Variants in SUGT1 observed in about 807,000 individuals in gnomAD.
SUGT1 encodes SGT1 assembly cochaperone of MIS12 kinetochore complex.
In SUGT1, 15 loss-of-function variants were observed where a neutral mutation model predicts 56.1. That is an observed-to-expected ratio of 0.27 (90% confidence interval 0.18 to 0.41). SUGT1 has a LOEUF of 0.41. Among genes scored for constraint, SUGT1 ranks in the 10% least tolerant of loss-of-function variants. The pLI is 1.00. For synonymous variants in SUGT1, 123 were observed against 128.6 expected, an observed-to-expected ratio of 0.96 and a Z score of 0.30; for missense variants, 347 against 382.2, an observed-to-expected ratio of 0.91 and a Z score of 0.77.
chr13:52,662,895 T>G (rs1962532073), intron 6 of SUGT1, among the ~76,000 whole-genome samples, 193 bp downstream of exon 6: 2 of 152,198 alleles, frequency 1.3e-5, no homozygotes, highest in African/African-American at 4.8e-5. Context: ...TGGGTGGATT[T>G]GCTTGTATGG....
Position 52,665,703 on chromosome 13 carries a change from T to A in SUGT1, c.489T>A (p.Asn163Lys). The change falls in exon 9 of 13, where the codon AAT becomes AAA. Residue 163 changes from asparagine (N) to lysine (K), a missense_variant. Asn to Lys is a moderately conservative substitution (Grantham distance 94). Coordinates refer to ENST00000310528, the MANE Select transcript of SUGT1 (RefSeq NM_006704.5). The stretch of plus-strand genomic sequence containing the variant: ...TTATGATCAAGAATGTTCAGAAGAA[T>A]GATGTAAATGTGGAATTTTCAGAAA... ...ITLMIKNVQKNDVNVEFSEKE... is the reference protein window; with the variant it reads ...ITLMIKNVQKKDVNVEFSEKE... 6.2e-7 allele frequency: 1 copy of A among 1,607,062 alleles called. No homozygotes were observed. The highest frequency in any genetic ancestry group is 8.5e-7 in the Non-Finnish European group (1 of 1,177,958).
rs1214220271 is a variant in SUGT1 at position 52,662,716 on chromosome 13, C to T, written c.382+14C>T. 3 of 1,607,252 alleles carry T rather than the reference C, an allele frequency of 1.9e-6. No homozygotes were observed. The highest frequency in any genetic ancestry group is 2.5e-6 in the Non-Finnish European group (3 of 1,177,970). ...AAGCTCAGAATGGTATGTGGGTCTC[C>T]CTTGGTATTTGTTTCAATTTAAAAA... is the stretch of plus-strand genomic sequence containing the variant. On this transcript the variant is annotated intron_variant, in intron 6 of 12. Transcript: ENST00000310528.
At position 52,699,180 on chromosome 13, in the gene SUGT1, T is replaced by C. The variant is rs905029229; in HGVS notation, c.*11345T>C. ...AAGGTAGAGGAGAGATGCTGAATGA[T>C]GCTTTTTTTCTTCTTAATCTTGGGG... On this transcript the variant is annotated 3_prime_UTR_variant, in exon 13 of 13. Coordinates refer to ENST00000310528, the MANE Select transcript of SUGT1 (RefSeq NM_006704.5). 1 of 152,218 alleles carries C rather than the reference T, an allele frequency of 6.6e-6. No homozygotes were observed. The highest frequency in any genetic ancestry group is 1.5e-5 in the Non-Finnish European group (1 of 68,032). 9.4% of individuals were successfully genotyped at this position (152,218 alleles called of 1,614,324 possible).
intron 2 of SUGT1, among the ~76,000 whole-genome samples, chr13:52,656,225 T>C (rs761523538): frequency 9.2e-5 from 14 of 152,324 alleles, no homozygotes; most frequent in Non-Finnish European, 1.6e-4. Context: ...TTTCATTGAG[T>C]GATTACTGGA....
intron 5 of SUGT1, among the ~76,000 whole-genome samples, chr13:52,659,741 A>G (rs1481821581): frequency 2.7e-5 from 4 of 147,318 alleles, no homozygotes; most frequent in Non-Finnish European, 3.0e-5. Context: ...TATGAAAAGT[A>G]TCACAGTGGT....
At chr13:52,667,974 T>C in intron 10 of SUGT1, among the ~76,000 whole-genome samples, 1 of 148,182 alleles carries the variant, frequency 6.7e-6, no homozygotes, top group Admixed American at 6.7e-5. Context: ...CATTACTACT[T>C]TTTTTTTTTT....
chr13:52,671,660 T>G (rs1962945145), intron 10 of SUGT1, among the ~76,000 whole-genome samples: 1 of 152,216 alleles, frequency 6.6e-6, no homozygotes, highest in Non-Finnish European at 1.5e-5. Flanking sequence ...TGTTGTTATT[T>G]GCCAGACGTG....
chr13:52,672,940 A>G (rs1326515202), intron 10 of SUGT1, among the ~76,000 whole-genome samples: 1 of 152,200 alleles, frequency 6.6e-6, no homozygotes. Flanking sequence ...TCTTAGTGTA[A>G]TCTGTGAATA....
chr13:52,662,565 G>GT, intron 5 of SUGT1, 84 bp from the exon 6 acceptor site: 1 of 1,437,256 alleles, frequency 7.0e-7, no homozygotes, highest in Non-Finnish European at 9.8e-7. Flanking sequence ...AACACTGCCT[G>GT]GGATGTAGTA....
Position 52,659,814 on chromosome 13 carries a change from ATTTTTTTTTTTTTTTT to A in SUGT1, c.328+582_328+597del, listed in dbSNP as rs71088033. 3.1e-3 allele frequency among the ~76,000 whole-genome samples: 182 copies of A among 58,706 alleles called. 1 individual carries two copies. The highest frequency in any genetic ancestry group is 0.01 in the African/African-American group (141 of 13,498). 38.5% of individuals were successfully genotyped at this position (58,706 alleles called of 152,430 possible). A position where few individuals can be genotyped will look rare whatever the true frequency, so the allele number is the denominator to read the frequency against. On this transcript the variant is annotated intron_variant, in intron 5 of 12. Transcript: ENST00000310528. The stretch of plus-strand genomic sequence containing the variant: ...AATATATATATATATATATATATAT[ATTTTTTTTTTTTTTTT>A]TTTTTTTTTTTTTTTTGAGACGGAG...
rs1345428341 is a variant in SUGT1, at chr13:52,690,196, A to C, written c.*2361A>C. On this transcript the variant is annotated 3_prime_UTR_variant, in exon 13 of 13. Coordinates refer to ENST00000310528, the MANE Select transcript of SUGT1 (RefSeq NM_006704.5). ...TCAAGGGAATTTTGAAAAGTAGGCT[A>C]GATTGCTGCCTAAGAATCCCACTCT... 3 of 152,204 alleles carry C rather than the reference A, an allele frequency of 2.0e-5. No homozygotes were observed. The East Asian group carries it at 5.8e-4, about 29-fold the overall frequency. 9.4% of individuals were successfully genotyped at this position (152,204 alleles called of 1,614,324 possible).
At chr13:52,670,736 A>C (rs1476805758) in intron 10 of SUGT1, among the ~76,000 whole-genome samples, 1 of 152,090 alleles carries the variant, frequency 6.6e-6, no homozygotes, top group Non-Finnish European at 1.5e-5. Flanking sequence ...TGAACCTGGG[A>C]GGCGGAGGTT....
intron 11 of SUGT1, among the ~76,000 whole-genome samples, chr13:52,678,242 A>C (rs1239964097): frequency 2.6e-5 from 4 of 152,182 alleles, no homozygotes; most frequent in Non-Finnish European, 5.9e-5. Context: ...ATCTAGTAGA[A>C]GGAAGGTGGA....
Position 52,696,546 on chromosome 13 carries a change from A to T in SUGT1, c.*8711A>T, listed in dbSNP as rs1963938107. 6.6e-6 allele frequency: 1 copy of T among 152,162 alleles called. No homozygotes were observed. The highest frequency in any genetic ancestry group is 2.1e-4 in the South Asian group (1 of 4,830). The allele number at this position is 152,162 out of a possible 1,614,324, so 9.4% of individuals were successfully genotyped here. On this transcript the variant is annotated 3_prime_UTR_variant, in exon 13 of 13. Coordinates refer to ENST00000310528, the MANE Select transcript of SUGT1 (RefSeq NM_006704.5). ...AAATATTGGAAGTTACTCATCCCAA[A>T]CCATAGTGTTTAAAATTGGGGTTTT...
chr13:52,674,218 T>C (rs889952625), intron 10 of SUGT1, among the ~76,000 whole-genome samples: 25 of 151,902 alleles, frequency 1.6e-4, no homozygotes, highest in Admixed American at 1.1e-3. Context: ...TGCCTGGCTA[T>C]TTTTTGTATT....
rs1245185302 is a variant in SUGT1 at position 52,689,067 on chromosome 13, G to A, written c.*1232G>A. ...AGCACTACTCTATACCCTCAGAGCAGGGGGAGTGGGAGGCAAACGGGTCAT... is the reference window on the plus strand; with the variant it reads ...AGCACTACTCTATACCCTCAGAGCAAGGGGAGTGGGAGGCAAACGGGTCAT... On this transcript the variant is annotated 3_prime_UTR_variant, in exon 13 of 13. Transcript: ENST00000310528. 6.6e-6 allele frequency: 1 copy of A among 152,208 alleles called. No individual in the cohort carries two copies. The highest frequency in any genetic ancestry group is 6.6e-5 in the Admixed American group (1 of 15,260). The allele number at this position is 152,208 out of a possible 1,614,324, so 9.4% of individuals were successfully genotyped here.
chr13:52,687,804 C>G lies in SUGT1; in HGVS notation c.971C>G (p.Pro324Arg). The change falls in exon 13 of 13, where the codon CCT becomes CGT. Residue 324 changes from proline to arginine, a missense_variant. Pro to Arg is a moderately radical substitution (Grantham distance 103). Transcript: ENST00000310528. ...DVGKRKVEINPPDDMEWKKY is the reference protein window; with the variant it reads ...DVGKRKVEINRPDDMEWKKY ...GGTAAAAGGAAAGTTGAAATCAATC[C>G]TCCTGATGATATGGAATGGAAAAAG... 6.2e-7 allele frequency: 1 copy of G among 1,601,466 alleles called. No homozygotes were observed. The highest frequency in any genetic ancestry group is 8.5e-7 in the Non-Finnish European group (1 of 1,174,846).
At position 52,680,057 on chromosome 13, in the gene SUGT1, A is replaced by T. The variant is rs778453790; in HGVS notation, c.802A>T (p.Asn268Tyr). The change falls in exon 12 of 13, where the codon AAT (asparagine) becomes TAT (tyrosine). Residue 268 changes from asparagine (N) to tyrosine (Y), a missense_variant. Transcript: ENST00000310528. ...TGGTGAGATCAAAGAAGAAGAAAAG[A>T]ATGAAAAGTTGGAGGGAGATGCAGC... The part of the protein sequence containing the change: ...LVGEIKEEEK[N>Y]EKLEGDAALN... The T allele has an allele frequency of 1.9e-6, 3 of 1,599,640 alleles. No individual in the cohort carries two copies. The African/African-American group carries it at 4.1e-5, about 22-fold the overall frequency.
Position 52,694,306 on chromosome 13 carries a change from C to G in SUGT1, c.*6471C>G, listed in dbSNP as rs563578165. On this transcript the variant is annotated 3_prime_UTR_variant, in exon 13 of 13. Coordinates refer to ENST00000310528, the MANE Select transcript of SUGT1 (RefSeq NM_006704.5). Reference sequence around the variant, plus strand: ...TTTTTGTGTTGTAAGTTCAGTCTTTCAAGATGTGGAATTCTGTCTGAGGAA... The same window carrying G: ...TTTTTGTGTTGTAAGTTCAGTCTTTGAAGATGTGGAATTCTGTCTGAGGAA... The G allele has an allele frequency of 6.6e-6, 1 of 152,124 alleles. No individual in the cohort carries two copies. The highest frequency in any genetic ancestry group is 1.5e-5 in the Non-Finnish European group (1 of 67,998). 9.4% of individuals were successfully genotyped at this position (152,124 alleles called of 1,614,324 possible).
Sources: gnomAD v4.1 joint callset for allele counts (sites outside exome capture counted in the v4.1 genomes callset) on GRCh38, gnomAD v4.1.1 for gene constraint, MANE v1.5 for transcripts, NCBI Gene and HGNC (gene_info 2026-07-23, HGNC 2026-07-21) for gene names.